SCIN: variants seen among roughly 807,000 people sequenced by gnomAD.
The protein encoded by SCIN is adseverin.
Under a neutral mutation model 91.8 loss-of-function variants are expected in SCIN, and 91 were observed. The observed-to-expected ratio is 0.99, with a 90% confidence interval of 0.84 to 1.18. SCIN has a LOEUF of 1.18. Ranked by LOEUF, SCIN falls within the 50% of genes most tolerant of loss-of-function variation. The pLI is 0.00. For missense variants in SCIN, 1,087 were observed against 863.9 expected (o/e 1.26, Z -3.24); for synonymous variants, 367 against 312.6 (o/e 1.17, Z -1.84).
intron 1 of SCIN, 112 bp from the exon 2 acceptor site, chr7:12,577,952 G>C: frequency 1.1e-6 from 1 of 908,434 alleles, no homozygotes; most frequent in South Asian, 2.1e-5. Flanking sequence ...GTAGAAGACT[G>C]TTGGATTGAT....
Position 12,629,431 on chromosome 7 carries a change from T to C in SCIN, c.1319+209T>C, listed in dbSNP as rs1382158362. Among the ~76,000 whole-genome samples, 4 of 152,194 alleles carry C rather than the reference T, an allele frequency of 2.6e-5. No homozygotes were observed. The East Asian group carries it at 7.7e-4, about 29-fold the overall frequency. ...AGCAGGAGTCACATAAAGATCATGC[T>C]ATCTAGTCTAGGCAAAAAGTTTTGA... On this transcript the variant is annotated intron_variant, in intron 9 of 15. Transcript: ENST00000297029.
At position 12,581,206 on chromosome 7, in the gene SCIN, CA is replaced by C. The variant is rs1782481192; in HGVS notation, c.502del (p.Ile168LeufsTer21). The C allele has an allele frequency of 1.3e-6, 2 of 1,551,296 alleles. No homozygotes were observed. The highest frequency in any genetic ancestry group is 1.7e-6 in the Non-Finnish European group (2 of 1,146,756). On this transcript the variant is annotated frameshift_variant, in exon 3 of 16. Coordinates refer to ENST00000297029, the MANE Select transcript of SCIN (RefSeq NM_001112706.3). LOFTEE classifies it high-confidence loss of function. ...DSFNKGDCFI[I>X]DLGTEIYQWC... ...GTTTCAACAAGGGTGACTGCTTCAT[CA>C]TTGACCTTGGCACCGTAAGTTTCAT...
chr7:12,620,409 G>A (rs1783383395), intron 4 of SCIN, among the ~76,000 whole-genome samples: 12 of 151,968 alleles, frequency 7.9e-5, no homozygotes, highest in Admixed American at 7.9e-4. Flanking sequence ...TCTATGAATT[G>A]GATATTTTGG....
At chr7:12,644,764 C>T in intron 13 of SCIN, 59 bp downstream of exon 13, 2 of 1,521,668 alleles carry the variant, frequency 1.3e-6, no homozygotes, top group Non-Finnish European at 1.8e-6. Context: ...GCCTGTAATC[C>T]CAGCACTTTG....
chr7:12,609,640 AAAC>A (rs759895961), intron 4 of SCIN, among the ~76,000 whole-genome samples: 3 of 152,214 alleles, frequency 2.0e-5, no homozygotes, highest in African/African-American at 4.8e-5. Flanking sequence ...AAGTTGTTTG[AAAC>A]AACAACAATT....
chr7:12,623,470 T>C (rs1783450928), intron 5 of SCIN, among the ~76,000 whole-genome samples: 1 of 152,218 alleles, frequency 6.6e-6, no homozygotes, highest in Non-Finnish European at 1.5e-5. Context: ...TAAGTATTCT[T>C]ATGCACACAC....
chr7:12,646,630 A>G (rs1182981648), intron 13 of SCIN, among the ~76,000 whole-genome samples: 1 of 152,138 alleles, frequency 6.6e-6, no homozygotes, highest in Non-Finnish European at 1.5e-5. Flanking sequence ...AAAAAGTTAT[A>G]CTTTCTCTGT....
intron 3 of SCIN, among the ~76,000 whole-genome samples, chr7:12,585,222 A>C (rs926253939): frequency 6.6e-6 from 1 of 151,992 alleles, no homozygotes; most frequent in Non-Finnish European, 1.5e-5. Context: ...CCCCTGGTAA[A>C]TCCGGTGGAC....
intron 3 of SCIN, among the ~76,000 whole-genome samples, chr7:12,589,730 C>T (rs550007053): frequency 4.3e-4 from 65 of 152,208 alleles, no homozygotes; most frequent in Non-Finnish European, 9.0e-4. Context: ...GAGACCCCTT[C>T]GTGGGGTTTT....
At position 12,641,580 on chromosome 7, in the gene SCIN, C is replaced by T. The variant is rs1667664423; in HGVS notation, c.1581+1063C>T. On this transcript the variant is annotated intron_variant, in intron 11 of 15. Coordinates refer to ENST00000297029, the MANE Select transcript of SCIN (RefSeq NM_001112706.3). ...CATCTCTCCGGCTTCTCTCTTCCAG[C>T]AGTCTTTTCCTTGACCGCATTTCAT... 2.6e-5 allele frequency among the ~76,000 whole-genome samples: 4 copies of T among 152,168 alleles called. No individual in the cohort carries two copies. In the South Asian group the frequency reaches 8.3e-4, roughly 32 times the overall value.
In SCIN at chr7:12,581,113, C is replaced by G. The variant is rs751006759; in HGVS notation, c.408C>G (p.Ala136=). 46 of 1,551,300 alleles carry G rather than the reference C, an allele frequency of 3.0e-5. No homozygotes were observed. The highest frequency in any genetic ancestry group is 4.0e-5 in the Non-Finnish European group (46 of 1,146,812). ...ATGTTCTTACGAACGACCTGACAGC[C>G]AAGAGGCTCCTACATGTGAAGGGTC... The part of the protein sequence containing the change: ...LNHVLTNDLT[A]KRLLHVKGRR... The change falls in exon 3 of 16, where the codon GCC becomes GCG. Residue 136 remains alanine, a synonymous_variant. Transcript: ENST00000297029.
At chr7:12,583,125 A>AT (rs2115214932) in intron 3 of SCIN, among the ~76,000 whole-genome samples, 1 of 152,074 alleles carries the variant, frequency 6.6e-6, no homozygotes, top group African/African-American at 2.4e-5. Flanking sequence ...AAAAAAAAAA[A>AT]CTTGTTATAT....
intron 3 of SCIN, among the ~76,000 whole-genome samples, chr7:12,589,731 G>A (rs903686281): frequency 6.6e-6 from 1 of 152,182 alleles, no homozygotes; most frequent in African/African-American, 2.4e-5. Context: ...AGACCCCTTC[G>A]TGGGGTTTTG....
At chr7:12,600,607 A>C (rs1309531340) in intron 3 of SCIN, among the ~76,000 whole-genome samples, 1 of 152,236 alleles carries the variant, frequency 6.6e-6, no homozygotes, top group East Asian at 1.9e-4. Flanking sequence ...TGTTTTCAAA[A>C]CAAAAACATT....
chr7:12,601,272 G>A (rs1255033222), intron 3 of SCIN, among the ~76,000 whole-genome samples: 1 of 152,186 alleles, frequency 6.6e-6, no homozygotes, highest in African/African-American at 2.4e-5. Flanking sequence ...ACCTACAGGA[G>A]AGGCTGCCCC....
At chr7:12,604,106 G>A (rs1159886185) in intron 3 of SCIN, among the ~76,000 whole-genome samples, 3 of 151,850 alleles carry the variant, frequency 2.0e-5, no homozygotes, top group Non-Finnish European at 4.4e-5. Flanking sequence ...CATGCAACAT[G>A]TATTTGTCAA....
In SCIN at chr7:12,656,986, T is replaced by C. The variant is rs1784174497; in HGVS notation, c.*4271T>C. ...AATATTCATTAGGAAATGACTAAAA[T>C]CAAATATTTTACTTGGTAATGCCAA... On this transcript the variant is annotated 3_prime_UTR_variant, in exon 16 of 16. Coordinates refer to ENST00000297029, the MANE Select transcript of SCIN (RefSeq NM_001112706.3). 1 of 150,932 alleles carries C rather than the reference T, an allele frequency of 6.6e-6. No individual in the cohort carries two copies. Among genetic ancestry groups the C allele is most frequent in the South Asian group, 2.1e-4 (1 of 4,794 alleles). 9.3% of individuals were successfully genotyped at this position (150,932 alleles called of 1,614,324 possible).
At position 12,570,993 on chromosome 7, in the gene SCIN, A is replaced by T; in HGVS notation, c.199+8A>T. ...ACCTGCACTTCTGGCTCGGTAAGGG[A>T]CGGCGGGCGGCGGGACCCCGACGCA... On this transcript the variant is annotated splice_region_variant and intron_variant, in intron 1 of 15. Coordinates refer to ENST00000297029, the MANE Select transcript of SCIN (RefSeq NM_001112706.3). 4.5e-6 allele frequency: 7 copies of T among 1,546,032 alleles called. No homozygotes were observed. The highest frequency in any genetic ancestry group is 1.2e-5 in the South Asian group (1 of 83,736).
At chr7:12,603,604 A>G (rs1360926828) in intron 3 of SCIN, among the ~76,000 whole-genome samples, 1 of 152,112 alleles carries the variant, frequency 6.6e-6, no homozygotes, top group East Asian at 1.9e-4. Flanking sequence ...TGGAGGAGGT[A>G]ATTTTTCATT....
Sources: gnomAD v4.1 joint callset for allele counts (sites outside exome capture counted in the v4.1 genomes callset) on GRCh38, gnomAD v4.1.1 for gene constraint, MANE v1.5 for transcripts, NCBI Gene and HGNC (gene_info 2026-07-23, HGNC 2026-07-21) for gene names.